The following NAALADL2 variants were observed in gnomAD, a reference collection of about 807,000 sequenced individuals.
NAALADL2 encodes the protein N-acetylated alpha-linked acidic dipeptidase like 2, also known as inactive N-acetylated-alpha-linked acidic dipeptidase-like protein 2.
A neutral mutation model predicts 87.2 loss-of-function variants in NAALADL2; 76 were observed. That is an observed-to-expected ratio of 0.87 (90% CI 0.72 to 1.05). NAALADL2 has a LOEUF of 1.05. Among genes scored for constraint, NAALADL2 ranks in the 50% least tolerant of loss-of-function variants. The pLI, the probability that NAALADL2 is intolerant of heterozygous loss-of-function variation, is 0.00. For synonymous variants in NAALADL2, 354 were observed against 331.0 expected, an observed-to-expected ratio of 1.07 and a Z score of -0.75; for missense variants, 1,089 against 945.8, an observed-to-expected ratio of 1.15 and a Z score of -1.99.
At chr3:175,142,738 C>T (rs149437599) in intron 2 of NAALADL2, among the ~76,000 whole-genome samples, 2 of 152,022 alleles carry the variant, frequency 1.3e-5, no homozygotes, top group African/African-American at 4.8e-5. Flanking sequence ...CCTGAGTCTT[C>T]ATTTCATTCT....
At position 174,905,238 on chromosome 3, in the gene NAALADL2, C is replaced by T. The variant is rs184137814; in HGVS notation, c.43+45788C>T. ...GATCGAAACCTATTCAATGATTATG[C>T]GTGTGTTGTATCATTTAACTTAGTA... is the stretch of plus-strand genomic sequence containing the variant. On this transcript the variant is annotated intron_variant, in intron 1 of 13. Transcript: ENST00000454872. 1.4e-3 allele frequency among the ~76,000 whole-genome samples: 206 copies of T among 150,010 alleles called. 1 individual carries two copies. Among genetic ancestry groups the T allele is most frequent in the South Asian group, 4.0e-3 (19 of 4,774 alleles).
intron 1 of NAALADL2, among the ~76,000 whole-genome samples, chr3:175,050,392 G>C (rs1169022594): frequency 6.6e-6 from 1 of 152,132 alleles, no homozygotes; most frequent in Non-Finnish European, 1.5e-5. Flanking sequence ...CTCCCGAGTA[G>C]CTGGGATCAC....
chr3:175,247,823 G>C (rs1051705710), intron 3 of NAALADL2, among the ~76,000 whole-genome samples: 3 of 152,310 alleles, frequency 2.0e-5, no homozygotes, highest in Middle Eastern at 3.4e-3. Flanking sequence ...AGAGCAGTAT[G>C]AAGAGAGGAT....
At chr3:175,170,296 A>G (rs540756678) in intron 2 of NAALADL2, among the ~76,000 whole-genome samples, 2 of 151,428 alleles carry the variant, frequency 1.3e-5, no homozygotes, top group Non-Finnish European at 3.0e-5. Flanking sequence ...TTCTGTTTAA[A>G]TTTTTAAAAT....
intron 1 of NAALADL2, among the ~76,000 whole-genome samples, chr3:174,974,395 G>C (rs774284046): frequency 2.0e-5 from 3 of 152,124 alleles, no homozygotes; most frequent in Non-Finnish European, 4.4e-5. Flanking sequence ...GGCATCCCAG[G>C]TACAAGCAAT....
At chr3:175,046,299 A>G (rs935562456) in intron 1 of NAALADL2, among the ~76,000 whole-genome samples, 1 of 152,136 alleles carries the variant, frequency 6.6e-6, no homozygotes, top group Non-Finnish European at 1.5e-5. Flanking sequence ...ATAAGATGCT[A>G]GTGATGCAAT....
At chr3:174,750,460 TG>T (rs1734714363) in intron 3 of NAALADL2, among the ~76,000 whole-genome samples, 1 of 22 alleles carries the variant, frequency 0.045, no homozygotes, top group Non-Finnish European at 0.083. Flanking sequence ...GACAGACTTC[TG>T]CTGCTGTTGC....
At chr3:174,998,450 C>T (rs887291216) in intron 1 of NAALADL2, among the ~76,000 whole-genome samples, 4 of 152,188 alleles carry the variant, frequency 2.6e-5, no homozygotes, top group South Asian at 4.1e-4. Context: ...CAAGGGTCTG[C>T]AGTAGATAGA....
At chr3:174,730,610 T>C (rs950842336) in intron 2 of NAALADL2, among the ~76,000 whole-genome samples, 8 of 152,154 alleles carry the variant, frequency 5.3e-5, no homozygotes, top group Non-Finnish European at 1.0e-4. Flanking sequence ...CATACCTTTT[T>C]TTAAGACTAG....
intron 1 of NAALADL2, among the ~76,000 whole-genome samples, chr3:174,991,740 A>G (rs916804056): frequency 1.3e-5 from 2 of 152,138 alleles, no homozygotes; most frequent in Non-Finnish European, 2.9e-5. Context: ...ACTTGAGAGA[A>G]TAGGCATATA....
At chr3:175,284,962 T>C (rs1264294469) in intron 4 of NAALADL2, among the ~76,000 whole-genome samples, 1 of 152,110 alleles carries the variant, frequency 6.6e-6, no homozygotes, top group Non-Finnish European at 1.5e-5. Context: ...ACAAAGTATA[T>C]CCTTAAAACC....
intron 9 of NAALADL2, among the ~76,000 whole-genome samples, chr3:175,564,260 G>A (rs4243412): frequency 0.64 from 97,156 of 151,870 alleles, 33,864 homozygotes; most frequent in East Asian, 0.84. Context: ...ACTTTTCCCT[G>A]GTATCTAGTG....
chr3:175,363,439 G>A (rs1001575024), intron 5 of NAALADL2, among the ~76,000 whole-genome samples: 5 of 146,936 alleles, frequency 3.4e-5, no homozygotes, highest in South Asian at 2.2e-4. Flanking sequence ...TGGAGACTTC[G>A]CATGGCCATG....
At chr3:174,586,160 T>A (rs1245575494) in intron 2 of NAALADL2, among the ~76,000 whole-genome samples, 1 of 152,192 alleles carries the variant, frequency 6.6e-6, no homozygotes, top group African/African-American at 2.4e-5. Context: ...TATTTGTTCA[T>A]CTATGGACCA....
intron 1 of NAALADL2, among the ~76,000 whole-genome samples, chr3:174,451,355 G>A (rs1170843056): frequency 6.6e-6 from 1 of 152,184 alleles, no homozygotes; most frequent in Non-Finnish European, 1.5e-5. Context: ...GAAGGTGGCT[G>A]TTCTTTTAGT....
At chr3:174,535,412 T>C (rs1269479303) in intron 1 of NAALADL2, among the ~76,000 whole-genome samples, 2 of 152,180 alleles carry the variant, frequency 1.3e-5, no homozygotes, top group African/African-American at 4.8e-5. Context: ...CCAAAGCTAA[T>C]AGTATTATCC....
At chr3:175,491,901 C>A (rs1015375797) in intron 9 of NAALADL2, among the ~76,000 whole-genome samples, 1 of 152,010 alleles carries the variant, frequency 6.6e-6, no homozygotes, top group Non-Finnish European at 1.5e-5. Context: ...AAATTATGAT[C>A]GGAATAATTT....
intron 1 of NAALADL2, among the ~76,000 whole-genome samples, chr3:175,022,904 C>G (rs182373780): frequency 6.6e-6 from 1 of 152,188 alleles, no homozygotes; most frequent in Non-Finnish European, 1.5e-5. Flanking sequence ...CCTGGGGATA[C>G]AAAGATGAGT....
At chr3:174,642,778 A>ATGT (rs1316277689) in intron 2 of NAALADL2, among the ~76,000 whole-genome samples, 1 of 127,214 alleles carries the variant, frequency 7.9e-6, no homozygotes, top group East Asian at 2.0e-4. Flanking sequence ...ATATATATAT[A>ATGT]TATATATATA....
Sources: allele counts gnomAD v4.1 joint callset (sites outside exome capture counted in the v4.1 genomes callset), GRCh38; gene constraint gnomAD v4.1.1; transcripts MANE v1.5; gene names NCBI Gene and HGNC (gene_info 2026-07-23, HGNC 2026-07-21).